The following NFATC1 variants were observed in gnomAD, a reference collection of about 807,000 sequenced individuals.
NFATC1 encodes the protein nuclear factor of activated T-cells, cytoplasmic 1.
In NFATC1, 22 loss-of-function variants were observed where a neutral mutation model predicts 76.0. The observed-to-expected ratio is 0.29, with a 90% CI of 0.21 to 0.41. The LOEUF is 0.41. Ranked by LOEUF, NFATC1 falls within the 10% of genes least tolerant of loss-of-function variation. The pLI is 1.00. For missense variants in NFATC1, 1,357 were observed against 1,337.7 expected (o/e 1.01, Z -0.23); for synonymous variants, 704 against 613.1 (o/e 1.15, Z -2.19).
intron 3 of NFATC1, among the ~76,000 whole-genome samples, chr18:79,436,246 A>T (rs1449523347): frequency 6.6e-6 from 1 of 152,212 alleles, no homozygotes; most frequent in Non-Finnish European, 1.5e-5. Context: ...TGGGGGCGCG[A>T]GGACGAGGCC....
chr18:79,449,566 T>C (rs1167741566), intron 4 of NFATC1, among the ~76,000 whole-genome samples: 1 of 152,170 alleles, frequency 6.6e-6, no homozygotes, highest in Non-Finnish European at 1.5e-5. Flanking sequence ...TCCCGAGAGA[T>C]TGATGTGGTA....
chr18:79,514,664 T>C (rs192664981), intron 9 of NFATC1, among the ~76,000 whole-genome samples: 1 of 151,458 alleles, frequency 6.6e-6, no homozygotes, highest in East Asian at 1.9e-4. Context: ...GGCCGTTTTC[T>C]TACATAGCCA....
intron 2 of NFATC1, among the ~76,000 whole-genome samples, chr18:79,418,677 C>T (rs1045415306): frequency 5.9e-5 from 9 of 152,254 alleles, no homozygotes; most frequent in African/African-American, 1.2e-4. Context: ...CCTGATTGCA[C>T]GAGCACCCTG....
chr18:79,459,014 C>T (rs1007213105), intron 6 of NFATC1, among the ~76,000 whole-genome samples: 10 of 152,244 alleles, frequency 6.6e-5, no homozygotes, highest in Admixed American at 3.3e-4. Flanking sequence ...CGGCCACAGA[C>T]GTCGGACACC....
At chr18:79,525,953 G>A (rs536583350) in intron 9 of NFATC1, among the ~76,000 whole-genome samples, 1 of 152,398 alleles carries the variant, frequency 6.6e-6, no homozygotes, top group African/African-American at 2.4e-5. Flanking sequence ...CAGATGCCAA[G>A]CACAGCAGGG....
At chr18:79,487,223 C>T (rs2089533368) in intron 9 of NFATC1, among the ~76,000 whole-genome samples, 1 of 152,218 alleles carries the variant, frequency 6.6e-6, no homozygotes, top group Non-Finnish European at 1.5e-5. Flanking sequence ...GTCTAAGGCT[C>T]ACATTGGTGT....
At chr18:79,399,133 C>T (rs2085098921) in intron 1 of NFATC1, among the ~76,000 whole-genome samples, 1 of 152,262 alleles carries the variant, frequency 6.6e-6, no homozygotes. Flanking sequence ...GAAAACAGAA[C>T]TTCCACTTGC....
At chr18:79,488,658 C>A (rs1185081603) in intron 9 of NFATC1, among the ~76,000 whole-genome samples, 1 of 152,246 alleles carries the variant, frequency 6.6e-6, no homozygotes, top group Non-Finnish European at 1.5e-5. Context: ...CTCCTGAGCA[C>A]AGATGGACTC....
chr18:79,424,983 CTCTCTGTGTCTA>C (rs1211928263), intron 2 of NFATC1, among the ~76,000 whole-genome samples: 4 of 150,854 alleles, frequency 2.7e-5, no homozygotes, highest in Non-Finnish European at 5.9e-5. Context: ...GTCTCTCTGT[CTCTCTGTGTCTA>C]TCTCTGTGTC....
chr18:79,434,505 C>T (rs1182710852), intron 3 of NFATC1, among the ~76,000 whole-genome samples: 4 of 152,256 alleles, frequency 2.6e-5, no homozygotes, highest in African/African-American at 7.2e-5. Context: ...TTCGTTCCAC[C>T]TGTTACCTCG....
intron 3 of NFATC1, among the ~76,000 whole-genome samples, chr18:79,442,328 G>A (rs1332544357): frequency 6.6e-6 from 1 of 152,340 alleles, no homozygotes; most frequent in Admixed American, 6.5e-5. Flanking sequence ...CCGAGGCGTC[G>A]GTCCTGCTGA....
chr18:79,404,165 A>T (rs1028044442), intron 1 of NFATC1, among the ~76,000 whole-genome samples: 1 of 152,234 alleles, frequency 6.6e-6, no homozygotes, highest in Non-Finnish European at 1.5e-5. Flanking sequence ...GCGTCGGACC[A>T]GGGGGAATAT....
chr18:79,527,080 T>C (rs1389417849), intron 9 of NFATC1: 1 of 160,728 alleles, frequency 6.2e-6, no homozygotes, highest in East Asian at 1.8e-4. Flanking sequence ...GGAACGTCAC[T>C]GGCCTGTGGG....
chr18:79,452,568 C>A (rs1320522402), intron 6 of NFATC1, among the ~76,000 whole-genome samples: 1 of 152,246 alleles, frequency 6.6e-6, no homozygotes, highest in African/African-American at 2.4e-5. Context: ...ACTCTCATCC[C>A]AGAGGGGTGG....
rs1388253412 is a variant in NFATC1, at chr18:79,441,092, G to A, written c.1386+7354G>A. Reference sequence around the variant, plus strand: ...CCCCTGGGCCCTGCGGAGCCGAGACGCACCATCATACACACTTGGAGCACA... The same window carrying A: ...CCCCTGGGCCCTGCGGAGCCGAGACACACCATCATACACACTTGGAGCACA... On this transcript the variant is annotated intron_variant, in intron 3 of 9. Transcript: ENST00000427363. 5.3e-5 allele frequency among the ~76,000 whole-genome samples: 8 copies of A among 152,368 alleles called. 1 individual carries two copies. The highest frequency in any genetic ancestry group is 4.1e-4 in the South Asian group (2 of 4,834).
Position 79,451,670 on chromosome 18 carries a change from A to T in NFATC1, c.1763-6A>T. On this transcript the variant is annotated splice_polypyrimidine_tract_variant and splice_region_variant and intron_variant, in intron 5 of 9. Coordinates refer to ENST00000427363, the MANE Select transcript of NFATC1 (RefSeq NM_001278669.2). ...GGCCCTCACTGCCCCTCTCCTTCTG[A>T]TGCAGCCCAGCGCTCAGCTCAGGAG... 6.3e-7 allele frequency: 1 copy of T among 1,587,868 alleles called. No individual in the cohort carries two copies. The highest frequency in any genetic ancestry group is 8.6e-7 in the Non-Finnish European group (1 of 1,165,836).
chr18:79,480,032 C>T (rs1003490449), intron 8 of NFATC1, among the ~76,000 whole-genome samples: 13 of 152,222 alleles, frequency 8.5e-5, no homozygotes, highest in Non-Finnish European at 1.6e-4. Flanking sequence ...AGGGCCCGCA[C>T]CTGCAGGGTC....
intron 2 of NFATC1, among the ~76,000 whole-genome samples, chr18:79,424,202 C>T (rs981889542): frequency 2.6e-5 from 4 of 152,218 alleles, no homozygotes; most frequent in East Asian, 1.9e-4. Context: ...GCACAGATGC[C>T]GCCGCACTAT....
intron 1 of NFATC1, among the ~76,000 whole-genome samples, chr18:79,408,729 C>T (rs1363785284): frequency 1.3e-5 from 2 of 152,212 alleles, no homozygotes; most frequent in African/African-American, 4.8e-5. Context: ...CATCCATCAT[C>T]ATCCATCCAT....
Sources: gnomAD v4.1 joint callset for allele counts (sites outside exome capture counted in the v4.1 genomes callset) on GRCh38, gnomAD v4.1.1 for gene constraint, MANE v1.5 for transcripts, NCBI Gene and HGNC (gene_info 2026-07-23, HGNC 2026-07-21) for gene names.